Variants in MNS1 observed in about 807,000 individuals in gnomAD.
The protein encoded by MNS1 is meiosis specific nuclear structural 1, also known as meiosis-specific nuclear structural protein 1.
In MNS1, 63 loss-of-function variants were observed where a neutral mutation model predicts 72.0. The ratio of observed to expected loss-of-function variants is 0.87; its 90% CI spans 0.71 to 1.08. MNS1 has a LOEUF of 1.08. Among genes scored for constraint, MNS1 ranks in the 50% least tolerant of loss-of-function variants. MNS1 has a pLI of 0.00. For missense variants in MNS1, 604 were observed against 562.4 expected (o/e 1.07, Z -0.75); for synonymous variants, 188 against 172.1 (o/e 1.09, Z -0.72).
At chr15:56,432,885 A>G (rs1411147145) in intron 8 of MNS1, among the ~76,000 whole-genome samples, 1 of 152,212 alleles carries the variant, frequency 6.6e-6, no homozygotes, top group Non-Finnish European at 1.5e-5. Context: ...AGTCTCACTT[A>G]GTCTTCCTCT....
Position 56,465,065 on chromosome 15 carries a change from G to A in MNS1, c.-93C>T, listed in dbSNP as rs1223228479. On this transcript the variant is annotated 5_prime_UTR_variant, in exon 1 of 10. Coordinates refer to ENST00000260453, the MANE Select transcript of MNS1 (RefSeq NM_018365.4). ...CCAGCAGCCCCAAGGAGCGCACCTGGCTGCGCGCGCTCGGGTGTTTACGCG... is the reference window on the plus strand; with the variant it reads ...CCAGCAGCCCCAAGGAGCGCACCTGACTGCGCGCGCTCGGGTGTTTACGCG... The A allele has an allele frequency of 2.0e-6, 3 of 1,537,400 alleles. No homozygotes were observed. The highest frequency in any genetic ancestry group is 1.8e-6 in the Non-Finnish European group (2 of 1,137,082).
rs1436447229 is a variant in MNS1 at position 56,428,968 on chromosome 15, T to C, written c.*133A>G. 5.3e-6 allele frequency: 3 copies of C among 565,382 alleles called. No individual in the cohort carries two copies. The highest frequency in any genetic ancestry group is 2.0e-5 in the African/African-American group (1 of 50,966). 35.0% of individuals were successfully genotyped at this position (565,382 alleles called of 1,614,324 possible). A position where few individuals can be genotyped will look rare whatever the true frequency, so the allele number is the denominator to read the frequency against. On this transcript the variant is annotated 3_prime_UTR_variant, in exon 10 of 10. Coordinates refer to ENST00000260453, the MANE Select transcript of MNS1 (RefSeq NM_018365.4). ...GTATCTGATAATTGTTTACAAGTTA[T>C]GAAATTCAGTGATGATTTACAAAAT...
rs970336458 is a variant in MNS1, at chr15:56,465,079, G to A, written c.-107C>T. The A allele has an allele frequency of 3.4e-6, 5 of 1,489,136 alleles. No homozygotes were observed. In the East Asian group the frequency reaches 9.3e-5, roughly 28 times the overall value. The allele number at this position is 1,489,136 out of a possible 1,614,324, so 92.2% of individuals were successfully genotyped here. A position where few individuals can be genotyped will look rare whatever the true frequency, so the allele number is the denominator to read the frequency against. ...GAGCGCACCTGGCTGCGCGCGCTCG[G>A]GTGTTTACGCGGCGTCTTGGCAACG... On this transcript the variant is annotated 5_prime_UTR_variant, in exon 1 of 10. Transcript: ENST00000260453.
At chr15:56,438,835 T>C (rs78908536) in intron 7 of MNS1, among the ~76,000 whole-genome samples, 8,919 of 152,184 alleles carry the variant, frequency 0.059, 677 homozygotes, top group East Asian at 0.38. Flanking sequence ...GCGAAGGATA[T>C]GAATAGACAC....
At chr15:56,454,699 G>A (rs988013007) in intron 3 of MNS1, among the ~76,000 whole-genome samples, 7 of 152,046 alleles carry the variant, frequency 4.6e-5, no homozygotes, top group Non-Finnish European at 1.0e-4. Context: ...TAATGCTTCT[G>A]TATTATCCTC....
At chr15:56,445,723 C>T (rs1458006858) in intron 4 of MNS1, 2 of 152,012 alleles carry the variant, frequency 1.3e-5, no homozygotes, top group Non-Finnish European at 2.9e-5. Flanking sequence ...TGCATGACAC[C>T]TAGTCAAGTC....
chr15:56,447,482 G>T (rs2050915506), intron 3 of MNS1: 1 of 151,922 alleles, frequency 6.6e-6, no homozygotes, highest in African/African-American at 2.4e-5. Context: ...GTTTATATCT[G>T]TGTTTTATTT....
chr15:56,460,795 C>T (rs1378225026), intron 2 of MNS1, among the ~76,000 whole-genome samples: 2 of 152,184 alleles, frequency 1.3e-5, no homozygotes, highest in African/African-American at 4.8e-5. Flanking sequence ...GATAACAGCG[C>T]TTCCTGGCAC....
At chr15:56,435,742 T>C (rs2050713040) in intron 7 of MNS1, among the ~76,000 whole-genome samples, 1 of 151,896 alleles carries the variant, frequency 6.6e-6, no homozygotes, top group Non-Finnish European at 1.5e-5. Context: ...CTATCAAATA[T>C]TTAAAAAATT....
chr15:56,446,300 T>C (rs1216718033), intron 4 of MNS1, among the ~76,000 whole-genome samples: 1 of 152,004 alleles, frequency 6.6e-6, no homozygotes, highest in Non-Finnish European at 1.5e-5. Context: ...CCCTATTATA[T>C]ATTCATACAG....
At chr15:56,463,174 C>T (rs1317527496) in intron 2 of MNS1, among the ~76,000 whole-genome samples, 1 of 152,092 alleles carries the variant, frequency 6.6e-6, no homozygotes, top group Non-Finnish European at 1.5e-5. Flanking sequence ...TTTCTACCAC[C>T]TTAATCCCTT....
At chr15:56,462,952 A>G (rs1278198017) in intron 2 of MNS1, among the ~76,000 whole-genome samples, 2 of 152,144 alleles carry the variant, frequency 1.3e-5, no homozygotes, top group Non-Finnish European at 2.9e-5. Context: ...GTGCTTTCTC[A>G]GAGTTAAAAA....
intron 4 of MNS1, chr15:56,445,804 C>G (rs186337796): frequency 6.6e-6 from 1 of 152,080 alleles, no homozygotes; most frequent in Admixed American, 6.5e-5. Flanking sequence ...TCGTAGGAGT[C>G]AGATTAAAAC....
chr15:56,457,004 A>G (rs12438534), intron 2 of MNS1, among the ~76,000 whole-genome samples: 6,770 of 152,290 alleles, frequency 0.044, 229 homozygotes, highest in Admixed American at 0.09. Context: ...TTCATATTCA[A>G]GCTTTCCCAA....
chr15:56,437,966 C>T (rs1087764), intron 7 of MNS1, among the ~76,000 whole-genome samples: 11 of 151,848 alleles, frequency 7.2e-5, no homozygotes, highest in Admixed American at 1.3e-4. Flanking sequence ...AAATAAAAGA[C>T]GACACAAACA....
At chr15:56,460,254 A>G (rs1331921782) in intron 2 of MNS1, among the ~76,000 whole-genome samples, 4 of 151,718 alleles carry the variant, frequency 2.6e-5, no homozygotes, top group Non-Finnish European at 5.9e-5. Context: ...TCCATGAGAA[A>G]GGGTAATGAT....
Position 56,460,009 on chromosome 15 carries a change from A to AAAAAAAAAAATATATATATAT in MNS1, c.226-3489_226-3488insATATATATATATTTTTTTTTT. 3.0e-4 allele frequency among the ~76,000 whole-genome samples: 8 copies of AAAAAAAAAAATATATATATAT among 26,386 alleles called. 2 individuals carry two copies. Among genetic ancestry groups the AAAAAAAAAAATATATATATAT allele is most frequent in the East Asian group, 1.1e-3 (1 of 876 alleles). 17.3% of individuals were successfully genotyped at this position (26,386 alleles called of 152,430 possible). On this transcript the variant is annotated intron_variant, in intron 2 of 9. Coordinates refer to ENST00000260453, the MANE Select transcript of MNS1 (RefSeq NM_018365.4). ...CTGTCTCAAAAAAAAAAAAAAAAAAAATACATATATATATATATATATATA... is the reference window on the plus strand; with the variant it reads ...CTGTCTCAAAAAAAAAAAAAAAAAAAAAAAAAAAAATATATATATATATACATATATATATATATATATATA...
intron 5 of MNS1, 45 bp from the exon 6 acceptor site, chr15:56,443,899 A>G: frequency 1.5e-6 from 2 of 1,352,592 alleles, no homozygotes; most frequent in Non-Finnish European, 2.0e-6. Context: ...ACAATAAAAT[A>G]TAAAAAAGTA....
intron 2 of MNS1, among the ~76,000 whole-genome samples, chr15:56,461,308 G>C (rs1317756859): frequency 6.6e-6 from 1 of 151,682 alleles, no homozygotes; most frequent in Admixed American, 6.6e-5. Flanking sequence ...CACAAGCCTA[G>C]AACAGTTTGT....
Sources: gnomAD v4.1 joint callset for allele counts (sites outside exome capture counted in the v4.1 genomes callset) on GRCh38, gnomAD v4.1.1 for gene constraint, MANE v1.5 for transcripts, NCBI Gene and HGNC (gene_info 2026-07-23, HGNC 2026-07-21) for gene names.